Variants in QTMAN observed in about 807,000 individuals in gnomAD.
QTMAN encodes tRNA-queuosine alpha-mannosyltransferase.
chr2:144,097,005 A>G, the QTMAN span, among the ~76,000 whole-genome samples: 1 of 152,248 alleles, frequency 6.6e-6, no homozygotes, highest in African/African-American at 2.4e-5. Flanking sequence ...AATTTCCAAT[A>G]CAGCCAACAT....
At chr2:144,021,506 C>A in the QTMAN span, among the ~76,000 whole-genome samples, 1 of 151,850 alleles carries the variant, frequency 6.6e-6, no homozygotes, top group Admixed American at 6.6e-5. Context: ...ACCCAAGGGC[C>A]CAAAGAGCAA....
the QTMAN span, among the ~76,000 whole-genome samples, chr2:144,241,017 C>A: frequency 6.6e-6 from 1 of 152,162 alleles, no homozygotes; most frequent in South Asian, 2.1e-4. Flanking sequence ...ACCAGAGATT[C>A]TGGTTTCATC....
chr2:144,034,041 C>T, the QTMAN span, among the ~76,000 whole-genome samples: 2 of 152,160 alleles, frequency 1.3e-5, no homozygotes, highest in Non-Finnish European at 2.9e-5. Context: ...CTTACACTGT[C>T]AAGGAGTCCC....
chr2:144,202,405 A>AT, the QTMAN span, among the ~76,000 whole-genome samples: 4 of 152,184 alleles, frequency 2.6e-5, no homozygotes, highest in Non-Finnish European at 5.9e-5. Flanking sequence ...TACATCTTTT[A>AT]TTTTTCTAAT....
the QTMAN span, among the ~76,000 whole-genome samples, chr2:143,991,576 C>T: frequency 1.1e-4 from 16 of 145,130 alleles, no homozygotes; most frequent in African/African-American, 2.3e-4. Context: ...GTCAGCCCCC[C>T]GCCCGACCAG....
At chr2:144,141,934 T>C in the QTMAN span, 1 of 1,611,792 alleles carries the variant, frequency 6.2e-7, no homozygotes, top group Non-Finnish European at 8.5e-7. Flanking sequence ...CACTTGGGTC[T>C]GATGATGCTT....
the QTMAN span, among the ~76,000 whole-genome samples, chr2:144,040,788 C>T: frequency 6.6e-6 from 1 of 152,146 alleles, no homozygotes; most frequent in East Asian, 1.9e-4. Flanking sequence ...AGAACTCAAA[C>T]CCAAATACTG....
chr2:144,102,473 C>T, the QTMAN span, among the ~76,000 whole-genome samples: 6 of 152,168 alleles, frequency 3.9e-5, no homozygotes, highest in East Asian at 3.8e-4. Flanking sequence ...AGGACACTGA[C>T]GCCCACAGCA....
the QTMAN span, among the ~76,000 whole-genome samples, chr2:144,094,050 T>C: frequency 1.3e-5 from 2 of 152,198 alleles, no homozygotes; most frequent in Admixed American, 6.5e-5. Flanking sequence ...ATGGTGATGA[T>C]CTACGTTGTA....
the QTMAN span, among the ~76,000 whole-genome samples, chr2:144,039,841 T>G: frequency 6.6e-6 from 1 of 152,214 alleles, no homozygotes; most frequent in African/African-American, 2.4e-5. Flanking sequence ...CAATTGACAC[T>G]GTTTCTTTTT....
At chr2:144,052,463 G>T in the QTMAN span, among the ~76,000 whole-genome samples, 1 of 152,144 alleles carries the variant, frequency 6.6e-6, no homozygotes, top group Non-Finnish European at 1.5e-5. Context: ...TGCTTGCTTT[G>T]TAACAAGTAC....
the QTMAN span, among the ~76,000 whole-genome samples, chr2:144,277,943 C>T: frequency 6.6e-6 from 1 of 152,080 alleles, no homozygotes; most frequent in Non-Finnish European, 1.5e-5. Context: ...TCTGCATATG[C>T]CCTGAGTTTC....
chr2:144,259,704 G>A, the QTMAN span, among the ~76,000 whole-genome samples: 1 of 152,116 alleles, frequency 6.6e-6, no homozygotes, highest in Non-Finnish European at 1.5e-5. Flanking sequence ...TAATTAAGCT[G>A]CACAGGCCAA....
chr2:144,042,226 G>C, the QTMAN span, among the ~76,000 whole-genome samples: 1 of 152,072 alleles, frequency 6.6e-6, no homozygotes, highest in African/African-American at 2.4e-5. Context: ...GCTGCATTTA[G>C]GCACAGAAAC....
the QTMAN span, among the ~76,000 whole-genome samples, chr2:143,967,490 C>G: frequency 1.3e-5 from 2 of 152,070 alleles, no homozygotes; most frequent in South Asian, 4.1e-4. Flanking sequence ...ACTACCATGC[C>G]TGGCTAATTT....
the QTMAN span, among the ~76,000 whole-genome samples, chr2:144,139,023 T>G: frequency 4.6e-5 from 7 of 152,060 alleles, no homozygotes; most frequent in African/African-American, 1.7e-4. Context: ...GTAAATGATT[T>G]GAGAGGATAT....
At chr2:144,197,319 GTA>G in the QTMAN span, among the ~76,000 whole-genome samples, 235 of 143,524 alleles carry the variant, frequency 1.6e-3, no homozygotes, top group South Asian at 3.1e-3. Context: ...GTGTGTGTGT[GTA>G]TATATATATA....
the QTMAN span, among the ~76,000 whole-genome samples, chr2:144,183,664 C>T: frequency 9.9e-5 from 15 of 152,248 alleles, no homozygotes; most frequent in Admixed American, 6.5e-4. Flanking sequence ...AACATATACA[C>T]GGTTATTCAT....
At chr2:144,146,928 A>G in the QTMAN span, among the ~76,000 whole-genome samples, 5 of 151,894 alleles carry the variant, frequency 3.3e-5, no homozygotes, top group Admixed American at 3.3e-4. Flanking sequence ...ACTGCTTTTC[A>G]TTACACCACA....
Sources: gnomAD v4.1 joint callset for allele counts (sites outside exome capture counted in the v4.1 genomes callset) on GRCh38, gnomAD v4.1.1 for gene constraint, MANE v1.5 for transcripts, NCBI Gene and HGNC (gene_info 2026-07-23, HGNC 2026-07-21) for gene names.